The following TBC1D22A variants were observed in gnomAD, a reference collection of about 807,000 sequenced individuals.
TBC1D22A encodes the protein TBC1 domain family member 22A.
A neutral mutation model predicts 60.2 loss-of-function variants in TBC1D22A; 38 were observed. That is an observed-to-expected ratio of 0.63 (90% CI 0.49 to 0.83). The LOEUF (loss-of-function observed/expected upper bound fraction) is 0.83. Among genes scored for constraint, TBC1D22A ranks in the 40% least tolerant of loss-of-function variants. The pLI, the probability that TBC1D22A is intolerant of heterozygous loss-of-function variation, is 0.00. For synonymous variants in TBC1D22A, 302 were observed against 281.7 expected (o/e 1.07, Z -0.72); for missense variants, 628 against 701.0 (o/e 0.90, Z 1.18).
rs550853853 is a variant in TBC1D22A, at chr22:46,773,271, C to T, written c.62+10423C>T. ...CCTGTCACAGGGTGGGGAATGTCACCGTGCTTGGCCCTGGGAGCACAAGAT... is the reference window on the plus strand; with the variant it reads ...CCTGTCACAGGGTGGGGAATGTCACTGTGCTTGGCCCTGGGAGCACAAGAT... On this transcript the variant is annotated intron_variant, in intron 1 of 12. Coordinates refer to ENST00000337137, the MANE Select transcript of TBC1D22A (RefSeq NM_014346.5). Among the ~76,000 whole-genome samples, 50 of 152,290 alleles carry T rather than the reference C, an allele frequency of 3.3e-4. 1 individual carries two copies. Among genetic ancestry groups the T allele is most frequent in the African/African-American group, 1.0e-3 (43 of 41,566 alleles).
At chr22:47,041,613 G>A (rs8138228) in intron 11 of TBC1D22A, among the ~76,000 whole-genome samples, 51,547 of 152,066 alleles carry the variant, frequency 0.34, 9,716 homozygotes, top group Middle Eastern at 0.57. Context: ...TCTCTGCGGC[G>A]TCCTGGGCTC....
At chr22:46,983,039 C>A (rs1417703991) in intron 9 of TBC1D22A, among the ~76,000 whole-genome samples, 2 of 152,210 alleles carry the variant, frequency 1.3e-5, no homozygotes, top group South Asian at 2.1e-4. Flanking sequence ...TTGTAGTCAT[C>A]GGGTCTGGGC....
chr22:47,119,510 T>G (rs1345705594), intron 12 of TBC1D22A, among the ~76,000 whole-genome samples: 1 of 152,038 alleles, frequency 6.6e-6, no homozygotes, highest in African/African-American at 2.4e-5. Flanking sequence ...TTTTTTTTTT[T>G]TTTTGAGACG....
intron 11 of TBC1D22A, among the ~76,000 whole-genome samples, chr22:47,107,745 G>T (rs2065689967): frequency 1.3e-5 from 2 of 152,212 alleles, no homozygotes; most frequent in African/African-American, 4.8e-5. Context: ...AGCCAGAGCA[G>T]CCTTGAAAAA....
chr22:46,833,740 A>G (rs898047316), intron 4 of TBC1D22A, among the ~76,000 whole-genome samples: 2 of 152,244 alleles, frequency 1.3e-5, no homozygotes, highest in African/African-American at 4.8e-5. Context: ...GCAATGGAGT[A>G]AAGTTGTGAA....
chr22:46,939,948 T>C (rs1409878830), intron 8 of TBC1D22A, among the ~76,000 whole-genome samples: 2 of 152,224 alleles, frequency 1.3e-5, no homozygotes, highest in Non-Finnish European at 2.9e-5. Context: ...GTCGTTTGCA[T>C]TCAAGGGATA....
chr22:47,137,100 T>C (rs1168755608), intron 12 of TBC1D22A, among the ~76,000 whole-genome samples: 1 of 152,178 alleles, frequency 6.6e-6, no homozygotes, highest in Non-Finnish European at 1.5e-5. Context: ...TCGTGCCGTC[T>C]CGTGATCCAC....
intron 12 of TBC1D22A, among the ~76,000 whole-genome samples, chr22:47,171,080 T>C (rs2068429740): frequency 6.6e-6 from 1 of 152,152 alleles, no homozygotes; most frequent in South Asian, 2.1e-4. Context: ...GCTCAGCTCA[T>C]CCTGGCTGTG....
intron 11 of TBC1D22A, among the ~76,000 whole-genome samples, chr22:47,047,943 G>A (rs1736046116): frequency 6.6e-6 from 1 of 152,224 alleles, no homozygotes; most frequent in South Asian, 2.1e-4. Context: ...TGACAGCCCG[G>A]AAGCCAAGGG....
intron 7 of TBC1D22A, among the ~76,000 whole-genome samples, chr22:46,910,528 T>C (rs1267069379): frequency 6.6e-6 from 1 of 152,112 alleles, no homozygotes; most frequent in Non-Finnish European, 1.5e-5. Flanking sequence ...GAAGTCTACC[T>C]CCTGTGCCTT....
At chr22:46,909,707 C>T (rs550496610) in intron 7 of TBC1D22A, among the ~76,000 whole-genome samples, 2 of 152,366 alleles carry the variant, frequency 1.3e-5, no homozygotes, top group South Asian at 2.1e-4. Context: ...GCTCCTGACC[C>T]TTTTGGGGGC....
chr22:47,109,991 G>A (rs1306930205), intron 11 of TBC1D22A, among the ~76,000 whole-genome samples: 1 of 152,078 alleles, frequency 6.6e-6, no homozygotes, highest in East Asian at 1.9e-4. Flanking sequence ...TGCTTTTGAA[G>A]CCTGCATTTT....
chr22:46,980,863 A>C (rs2074487463), intron 9 of TBC1D22A, among the ~76,000 whole-genome samples: 1 of 152,250 alleles, frequency 6.6e-6, no homozygotes, highest in South Asian at 2.1e-4. Flanking sequence ...AAGAGAAGAG[A>C]AAGTCTCATA....
chr22:47,070,415 G>A (rs868594337), intron 11 of TBC1D22A, among the ~76,000 whole-genome samples: 8 of 143,312 alleles, frequency 5.6e-5, no homozygotes, highest in Middle Eastern at 4.1e-3. Context: ...ACGGTTCCAG[G>A]TTGTTCCCTG....
Position 46,878,665 on chromosome 22 carries a change from G to C in TBC1D22A, c.650G>C (p.Arg217Thr). 1 of 1,613,210 alleles carries C rather than the reference G, an allele frequency of 6.2e-7. No individual in the cohort carries two copies. The highest frequency in any genetic ancestry group is 8.5e-7 in the Non-Finnish European group (1 of 1,179,836). The change falls in exon 5 of 13, where the codon AGG (arginine) becomes ACG (threonine). Residue 217 changes from arginine (R) to threonine (T), a missense_variant. Physicochemically the swap from Arg to Thr is moderately conservative, Grantham distance 71. Coordinates refer to ENST00000337137, the MANE Select transcript of TBC1D22A (RefSeq NM_014346.5). ...TTTTCATCAACAGAGGAATTACGGAGGTTGAGCTGGTCCGGAATCCCTAAG... is the reference window on the plus strand; with the variant it reads ...TTTTCATCAACAGAGGAATTACGGACGTTGAGCTGGTCCGGAATCCCTAAG... ...GPNTDLEELR[R>T]LSWSGIPKPV...
At chr22:47,145,117 G>A (rs1425284119) in intron 12 of TBC1D22A, among the ~76,000 whole-genome samples, 2 of 152,236 alleles carry the variant, frequency 1.3e-5, no homozygotes, top group African/African-American at 2.4e-5. Flanking sequence ...GGGCAGGGCT[G>A]TTCACACCTG....
intron 8 of TBC1D22A, among the ~76,000 whole-genome samples, chr22:46,967,703 A>G (rs190103573): frequency 6.6e-6 from 1 of 152,306 alleles, no homozygotes; most frequent in Non-Finnish European, 1.5e-5. Context: ...CCCAGTACCA[A>G]GCTCTTCCAT....
At chr22:47,133,593 C>T (rs910830180) in intron 12 of TBC1D22A, among the ~76,000 whole-genome samples, 6 of 152,164 alleles carry the variant, frequency 3.9e-5, no homozygotes, top group Non-Finnish European at 7.3e-5. Context: ...TTTCGACATT[C>T]GTTTTTAGGA....
At chr22:46,906,119 G>A (rs551950983) in intron 7 of TBC1D22A, among the ~76,000 whole-genome samples, 22 of 152,204 alleles carry the variant, frequency 1.4e-4, no homozygotes, top group African/African-American at 5.3e-4. Context: ...TTCTTGGCTT[G>A]CCCTCAGCAC....
Sources: allele counts gnomAD v4.1 joint callset (sites outside exome capture counted in the v4.1 genomes callset), GRCh38; gene constraint gnomAD v4.1.1; transcripts MANE v1.5; gene names NCBI Gene and HGNC (gene_info 2026-07-23, HGNC 2026-07-21).